Variants in CETP observed in about 807,000 individuals in gnomAD.
The protein encoded by CETP is BPI fold containing family F.
Under a neutral mutation model 66.5 loss-of-function variants are expected in CETP, and 56 were observed. The ratio of observed to expected loss-of-function variants is 0.84; its 90% CI spans 0.68 to 1.05. The LOEUF (loss-of-function observed/expected upper bound fraction) is 1.05. Ranked by LOEUF, CETP falls within the 50% of genes least tolerant of loss-of-function variation. The pLI, the probability that CETP is intolerant of heterozygous loss-of-function variation, is 0.00. For missense variants in CETP, 612 were observed against 609.6 expected (o/e 1.00, Z -0.04); for synonymous variants, 251 against 245.7 (o/e 1.02, Z -0.20).
chr16:56,978,913 C>G (rs2142004589), intron 11 of CETP, among the ~76,000 whole-genome samples: 1 of 152,330 alleles, frequency 6.6e-6, no homozygotes, highest in African/African-American at 2.4e-5. Context: ...ACAACCTCTG[C>G]CTCCCAGGTT....
At chr16:56,979,521 T>TTA (rs2142004953) in intron 11 of CETP, among the ~76,000 whole-genome samples, 1 of 151,706 alleles carries the variant, frequency 6.6e-6, no homozygotes, top group East Asian at 2.0e-4. Flanking sequence ...TCTTCAATTT[T>TTA]TTTTTTTGAG....
At chr16:56,972,614 C>T (rs2056120359) in intron 8 of CETP, among the ~76,000 whole-genome samples, 1 of 152,232 alleles carries the variant, frequency 6.6e-6, no homozygotes, top group Non-Finnish European at 1.5e-5. Flanking sequence ...TGACCTCATC[C>T]CAGGGTCCTG....
chr16:56,981,378 G>T (rs2056186388), intron 12 of CETP, among the ~76,000 whole-genome samples, 153 bp downstream of exon 12: 1 of 152,192 alleles, frequency 6.6e-6, no homozygotes, highest in Non-Finnish European at 1.5e-5. Flanking sequence ...ACCCTGCCTA[G>T]ATAGAATCTT....
At chr16:56,963,961 G>A (rs575718206) in intron 2 of CETP, among the ~76,000 whole-genome samples, 3 of 151,302 alleles carry the variant, frequency 2.0e-5, no homozygotes, top group African/African-American at 2.4e-5. Flanking sequence ...GAGCCACCAC[G>A]CCTGGCCCTT....
rs578124971 is a variant in CETP at position 56,962,423 on chromosome 16, T to A, written c.118+326T>A. 113 of 591,904 alleles carry A rather than the reference T, an allele frequency of 1.9e-4. 1 individual carries two copies. Among genetic ancestry groups the A allele is most frequent in the South Asian group, 1.5e-3 (110 of 71,058 alleles). 36.7% of individuals were successfully genotyped at this position (591,904 alleles called of 1,614,324 possible). On this transcript the variant is annotated intron_variant, in intron 1 of 15. Transcript: ENST00000200676. ...CAGGTTAGGGGGTTGAGTCAGGGGG[T>A]AAAGATTAGGAGGTTGGTGTATATT... is the stretch of plus-strand genomic sequence containing the variant.
Position 56,966,330 on chromosome 16 carries a change from A to G in CETP, c.234-3056A>G, listed in dbSNP as rs34602471. 3.1e-3 allele frequency among the ~76,000 whole-genome samples: 468 copies of G among 152,172 alleles called. 14 individuals carry two copies. The East Asian group carries it at 0.056, about 18-fold the overall frequency. ...GCTTCCTGCTCTGACTTTCTCATTT[A>G]TGGTATTCTCCCCTGCTTTCCAGCA... On this transcript the variant is annotated intron_variant, in intron 2 of 15. Coordinates refer to ENST00000200676, the MANE Select transcript of CETP (RefSeq NM_000078.3).
rs761776694 is a variant in CETP, at chr16:56,971,356, G to T, written c.633G>T (p.Met211Ile). The T allele has an allele frequency of 2.5e-6, 4 of 1,613,996 alleles. No individual in the cohort carries two copies. Among genetic ancestry groups the T allele is most frequent in the Non-Finnish European group, 2.5e-6 (3 of 1,179,998 alleles). The change falls in exon 7 of 16, where the codon ATG becomes ATT. Residue 211 changes from methionine to isoleucine, a missense_variant. Met to Ile is a conservative substitution (Grantham distance 10). Transcript: ENST00000200676. The part of the protein sequence containing the change: ...CKEINVISNI[M>I]ADFVQTRAAS... ...AGATCAACGTCATCTCTAACATCAT[G>T]GCCGATTTTGTCCAGACAAGGGCTG... is the stretch of plus-strand genomic sequence containing the variant.
At chr16:56,971,001 C>G (rs377464648) in intron 5 of CETP, 32 bp from the exon 6 acceptor site, 134 of 1,610,676 alleles carry the variant, frequency 8.3e-5, no homozygotes, top group Admixed American at 2.5e-4. Flanking sequence ...CAGGACTGGT[C>G]AGGGGCTCAT....
intron 2 of CETP, among the ~76,000 whole-genome samples, chr16:56,964,442 G>C (rs2056050856): frequency 2.6e-5 from 4 of 152,176 alleles, no homozygotes; most frequent in African/African-American, 9.7e-5. Flanking sequence ...TTAGCAGCCT[G>C]GCGGAGCTCA....
chr16:56,969,638 C>T lies in CETP; in HGVS notation c.396C>T (p.Phe132=), dbSNP rs879848326. ...WWLGIDQSID[F]EIDSAIDLQI... ...TGGGTATTGATCAGTCCATTGACTTCGAGATCGACTCTGCCATTGACCTCC... is the reference window on the plus strand; with the variant it reads ...TGGGTATTGATCAGTCCATTGACTTTGAGATCGACTCTGCCATTGACCTCC... The change falls in exon 4 of 16, where the codon TTC becomes TTT. Residue 132 remains phenylalanine (F), a synonymous_variant. Transcript: ENST00000200676. 25 of 1,614,050 alleles carry T rather than the reference C, an allele frequency of 1.5e-5. No individual in the cohort carries two copies. The highest frequency in any genetic ancestry group is 2.7e-5 in the African/African-American group (2 of 74,922).
chr16:56,977,690 C>T (rs1455432447), intron 10 of CETP, among the ~76,000 whole-genome samples: 1 of 152,076 alleles, frequency 6.6e-6, no homozygotes, highest in Non-Finnish European at 1.5e-5. Context: ...CAGCAGCTTC[C>T]CTCGGAGGGT....
intron 13 of CETP, 54 bp downstream of exon 13, chr16:56,981,734 T>C: frequency 6.3e-7 from 1 of 1,586,060 alleles, no homozygotes; most frequent in Non-Finnish European, 8.7e-7. Context: ...CCTCCTGCCT[T>C]AAAGAAAGCA....
chr16:56,982,391 A>G (rs2056195246), intron 14 of CETP, among the ~76,000 whole-genome samples, 154 bp downstream of exon 14: 1 of 152,024 alleles, frequency 6.6e-6, no homozygotes, highest in African/African-American at 2.4e-5. Flanking sequence ...TGCTGGTGGT[A>G]TTGCACGCCA....
In CETP at chr16:56,983,684, G is replaced by A. The variant is rs760981840; in HGVS notation, c.*18G>A. 25 of 1,612,052 alleles carry A rather than the reference G, an allele frequency of 1.6e-5. No homozygotes were observed. Among genetic ancestry groups the A allele is most frequent in the African/African-American group, 2.7e-5 (2 of 74,870 alleles). On this transcript the variant is annotated 3_prime_UTR_variant, in exon 16 of 16. Transcript: ENST00000200676. The stretch of plus-strand genomic sequence containing the variant: ...TGAGCTAGAAGTCTCCAAGGAGGTC[G>A]GGATGGGGCTTGTAGCAGAAGGCAA...
chr16:56,964,375 A>G (rs2056050200), intron 2 of CETP, among the ~76,000 whole-genome samples: 1 of 152,206 alleles, frequency 6.6e-6, no homozygotes. Flanking sequence ...AAAGAGGATA[A>G]TGCCATCGCC....
chr16:56,975,232 A>G (rs927322250), intron 10 of CETP, 81 bp downstream of exon 10: 6 of 1,194,640 alleles, frequency 5.0e-6, no homozygotes, highest in African/African-American at 4.5e-5. Context: ...CACACAGCCA[A>G]TAACACCACC....
intron 10 of CETP, among the ~76,000 whole-genome samples, chr16:56,977,719 G>A (rs2056159501): frequency 6.6e-6 from 1 of 151,714 alleles, no homozygotes; most frequent in African/African-American, 2.4e-5. Flanking sequence ...AGTAGGTCCT[G>A]TTCTAAGCTC....
At chr16:56,979,517 AT>A (rs34279747) in intron 11 of CETP, among the ~76,000 whole-genome samples, 1 of 150,390 alleles carries the variant, frequency 6.6e-6, no homozygotes, top group Non-Finnish European at 1.5e-5. Context: ...AATATCTTCA[AT>A]TTTTTTTTTT....
intron 10 of CETP, 121 bp from the exon 11 acceptor site, chr16:56,977,970 T>C: frequency 1.3e-5 from 16 of 1,190,414 alleles, no homozygotes; most frequent in Non-Finnish European, 1.9e-5. Flanking sequence ...TACCCCGAGC[T>C]ACTTCCTTTT....
Sources: gnomAD v4.1 joint callset for allele counts (sites outside exome capture counted in the v4.1 genomes callset) on GRCh38, gnomAD v4.1.1 for gene constraint, MANE v1.5 for transcripts, NCBI Gene and HGNC (gene_info 2026-07-23, HGNC 2026-07-21) for gene names.